The following CREB5 variants were observed in gnomAD, a reference collection of about 807,000 sequenced individuals.
The protein encoded by CREB5 is cAMP responsive element binding protein 5.
CREB5 carries 19 observed loss-of-function variants against 57.1 expected under a neutral mutation model. The ratio of observed to expected loss-of-function variants is 0.33; its 90% confidence interval spans 0.23 to 0.49. CREB5 has a LOEUF of 0.49. CREB5 is among the 20% of genes least tolerant of loss of function. The pLI, the probability that CREB5 is intolerant of heterozygous loss-of-function variation, is 0.99. For missense variants in CREB5, 579 were observed against 671.6 expected (o/e 0.86, Z 1.52); for synonymous variants, 238 against 238.3 (o/e 1.00, Z 0.01).
chr7:28,420,816 A>AT (rs1226673280), intron 1 of CREB5, among the ~76,000 whole-genome samples: 1 of 151,250 alleles, frequency 6.6e-6, no homozygotes. Context: ...TCAAAAAAAA[A>AT]AAAAAAAAAA....
intron 5 of CREB5, among the ~76,000 whole-genome samples, chr7:28,718,260 T>C (rs1802813393): frequency 6.6e-6 from 1 of 152,222 alleles, no homozygotes; most frequent in Non-Finnish European, 1.5e-5. Context: ...TCAAAACAGA[T>C]TTCTGTTGGG....
At chr7:28,703,751 A>G (rs1801975385) in intron 5 of CREB5, among the ~76,000 whole-genome samples, 1 of 152,192 alleles carries the variant, frequency 6.6e-6, no homozygotes, top group Non-Finnish European at 1.5e-5. Flanking sequence ...GATGAAGCCC[A>G]CCCACATTGG....
intron 4 of CREB5, among the ~76,000 whole-genome samples, chr7:28,521,982 C>T (rs956693659): frequency 2.6e-5 from 4 of 152,178 alleles, no homozygotes; most frequent in Non-Finnish European, 5.9e-5. Context: ...AGATTATAAA[C>T]TAGTAATAAT....
intron 1 of CREB5, among the ~76,000 whole-genome samples, chr7:28,432,569 G>A (rs553007308): frequency 1.3e-5 from 2 of 152,246 alleles, no homozygotes; most frequent in South Asian, 4.1e-4. Flanking sequence ...TTTCCTGAAA[G>A]AGTAACTGGG....
chr7:28,776,792 A>G (rs1806680003), intron 7 of CREB5, among the ~76,000 whole-genome samples: 1 of 152,230 alleles, frequency 6.6e-6, no homozygotes, highest in African/African-American at 2.4e-5. Context: ...GGGATCTGTT[A>G]TATGTGGCCT....
At chr7:28,679,773 G>C (rs570387720) in intron 5 of CREB5, among the ~76,000 whole-genome samples, 2 of 152,272 alleles carry the variant, frequency 1.3e-5, no homozygotes, top group South Asian at 2.1e-4. Flanking sequence ...TATAAAAGGT[G>C]TTAGTGTATC....
intron 1 of CREB5, among the ~76,000 whole-genome samples, chr7:28,341,346 T>A (rs1409317854): frequency 6.6e-6 from 1 of 152,232 alleles, no homozygotes; most frequent in African/African-American, 2.4e-5. Flanking sequence ...TTCAACTCAC[T>A]GAGATAATTC....
intron 1 of CREB5, among the ~76,000 whole-genome samples, chr7:28,448,681 G>A (rs950159343): frequency 6.6e-6 from 1 of 152,234 alleles, no homozygotes; most frequent in Non-Finnish European, 1.5e-5. Flanking sequence ...TGTAAGGCCT[G>A]AATATTTTAG....
At chr7:28,560,897 C>CACGTGT (rs1795154732) in intron 4 of CREB5, among the ~76,000 whole-genome samples, 1 of 22,526 alleles carries the variant, frequency 4.4e-5, no homozygotes, top group Non-Finnish European at 9.2e-5. Flanking sequence ...CGTGTGTGTG[C>CACGTGT]GTGCGCGCGT....
intron 1 of CREB5, among the ~76,000 whole-genome samples, chr7:28,389,510 A>G (rs932113142): frequency 2.0e-5 from 3 of 152,120 alleles, no homozygotes; most frequent in Non-Finnish European, 2.9e-5. Context: ...TTTTTCTTCA[A>G]TTTAATCTTG....
intron 4 of CREB5, among the ~76,000 whole-genome samples, chr7:28,560,646 A>G (rs1250289680): frequency 1.3e-5 from 2 of 152,104 alleles, no homozygotes; most frequent in Admixed American, 6.5e-5. Flanking sequence ...TGTGGGAACC[A>G]TGAAGACAAA....
At position 28,349,386 on chromosome 7, in the gene CREB5, A is replaced by G. The variant is rs1312301699; in HGVS notation, c.-25+49945A>G. On this transcript the variant is annotated intron_variant, in intron 1 of 9. Coordinates refer to the CREB5 transcript ENST00000396299. ...AATTTTCAAGTCAAATTAGCCATAT[A>G]TTGAAATCCAGAGTTAAAATTCAAT... is the stretch of plus-strand genomic sequence containing the variant. 4.6e-5 allele frequency among the ~76,000 whole-genome samples: 7 copies of G among 151,806 alleles called. No homozygotes were observed. The East Asian group carries it at 1.2e-3, about 25-fold the overall frequency.
rs1435854812 is a variant in CREB5, at chr7:28,718,734, G to T, written c.465-19G>T. 1 of 1,612,502 alleles carries T rather than the reference G, an allele frequency of 6.2e-7. No individual in the cohort carries two copies. The highest frequency in any genetic ancestry group is 8.5e-7 in the Non-Finnish European group (1 of 1,179,730). ...AGGGCACCAGGAATCATGTTTGTTT[G>T]TTTTTTTCTTTGTCCCAGGCCTGTC... On this transcript the variant is annotated intron_variant, in intron 5 of 10. Transcript: ENST00000357727.
intron 5 of CREB5, among the ~76,000 whole-genome samples, chr7:28,709,461 A>T (rs775308204): frequency 6.6e-6 from 1 of 152,202 alleles, no homozygotes; most frequent in Non-Finnish European, 1.5e-5. Flanking sequence ...AGCCAAAAAA[A>T]GTTTGCTTTA....
At chr7:28,647,345 C>T (rs1798927619) in intron 5 of CREB5, among the ~76,000 whole-genome samples, 1 of 151,970 alleles carries the variant, frequency 6.6e-6, no homozygotes, top group Non-Finnish European at 1.5e-5. Context: ...GCATTGTGTG[C>T]TCTGCTAAGA....
At chr7:28,596,769 G>A (rs1038467946) in intron 5 of CREB5, among the ~76,000 whole-genome samples, 2 of 152,140 alleles carry the variant, frequency 1.3e-5, no homozygotes, top group African/African-American at 2.4e-5. Context: ...AGAAATAAAT[G>A]AGATAATACA....
At chr7:28,709,707 A>T (rs1277229406) in intron 5 of CREB5, among the ~76,000 whole-genome samples, 1 of 152,126 alleles carries the variant, frequency 6.6e-6, no homozygotes, top group East Asian at 1.9e-4. Context: ...AAAGAAGAAG[A>T]AGTTATCGTT....
chr7:28,776,337 C>CAAA (rs397720790), intron 7 of CREB5, among the ~76,000 whole-genome samples: 4 of 114,496 alleles, frequency 3.5e-5, no homozygotes, highest in African/African-American at 1.2e-4. Flanking sequence ...GACTCTGTCT[C>CAAA]AAAAAAAAAA....
intron 7 of CREB5, among the ~76,000 whole-genome samples, chr7:28,802,902 T>C (rs1583780981): frequency 6.6e-6 from 1 of 152,282 alleles, no homozygotes; most frequent in East Asian, 1.9e-4. Context: ...GTAAAAATTA[T>C]ATGAAATTCA....
Sources: gnomAD v4.1 joint callset for allele counts (sites outside exome capture counted in the v4.1 genomes callset) on GRCh38, gnomAD v4.1.1 for gene constraint, MANE v1.5 for transcripts, NCBI Gene and HGNC (gene_info 2026-07-23, HGNC 2026-07-21) for gene names.